The following CHRFAM7A variants were observed in gnomAD, a reference collection of about 807,000 sequenced individuals.
CHRFAM7A encodes the protein CHRNA7 (exons 5-10) and FAM7A (exons A-E) fusion.
A neutral mutation model predicts 29.2 loss-of-function variants in CHRFAM7A; 3 were observed. The ratio of observed to expected loss-of-function variants is 0.10; its 90% CI spans 0.05 to 0.27. The LOEUF (loss-of-function observed/expected upper bound fraction) is 0.27, where lower values mean the gene tolerates loss of function less well. CHRFAM7A is among the 10% of genes least tolerant of loss of function. CHRFAM7A has a pLI of 1.00. For synonymous variants in CHRFAM7A, 7 were observed against 135.4 expected (o/e 0.05, Z 6.58); for missense variants, 22 against 328.0 (o/e 0.07, Z 7.21).
In CHRFAM7A at chr15:30,372,946, C is replaced by A. The variant is rs376460427; in HGVS notation, c.328+32G>T. Reference sequence around the variant, plus strand: ...TAAAGCTTGCCCAGGAATAGGAAAGCTTTCTTCCAGGCGGTTAGTCTCATG... The same window carrying A: ...TAAAGCTTGCCCAGGAATAGGAAAGATTTCTTCCAGGCGGTTAGTCTCATG... On this transcript the variant is annotated intron_variant, in intron 6 of 9. Coordinates refer to ENST00000299847, the MANE Select transcript of CHRFAM7A (RefSeq NM_139320.2). 5.4e-4 allele frequency: 861 copies of A among 1,601,732 alleles called. 30 individuals are homozygous for A. The highest frequency in any genetic ancestry group is 6.9e-4 in the Non-Finnish European group (803 of 1,172,094).
rs2058744394 is a variant in CHRFAM7A at position 30,361,747 on chromosome 15, C to G, written c.*546G>C. 1 of 106,136 alleles carries G rather than the reference C, an allele frequency of 9.4e-6. No individual in the cohort carries two copies. The highest frequency in any genetic ancestry group is 4.0e-5 in the African/African-American group (1 of 25,290). The allele number at this position is 106,136 out of a possible 1,614,324, so 6.6% of individuals were successfully genotyped here. On this transcript the variant is annotated 3_prime_UTR_variant, in exon 10 of 10. Coordinates refer to ENST00000299847, the MANE Select transcript of CHRFAM7A (RefSeq NM_139320.2). The stretch of plus-strand genomic sequence containing the variant: ...GTAGAAACAGCATCAAGCTGTTTCT[C>G]TCTACCGTCTTTGATAGAAATAAAA...
At chr15:30,376,086 AGT>A (rs1185457706) in intron 5 of CHRFAM7A, among the ~76,000 whole-genome samples, 8 of 144,562 alleles carry the variant, frequency 5.5e-5, no homozygotes, top group South Asian at 2.1e-4. Context: ...TGGTGTGAGT[AGT>A]GTGAGTGGTG....
At chr15:30,389,409 A>T in intron 1 of CHRFAM7A, among the ~76,000 whole-genome samples, 2 of 19,210 alleles carry the variant, frequency 1.0e-4, no homozygotes, top group Non-Finnish European at 2.5e-4. Context: ...TTCAACATCT[A>T]TCGCATTTCA....
At chr15:30,373,653 CTAATT>C (rs903516193) in intron 5 of CHRFAM7A, among the ~76,000 whole-genome samples, 6 of 104,356 alleles carry the variant, frequency 5.7e-5, no homozygotes, top group Admixed American at 5.1e-4. Flanking sequence ...AGAATTTTAA[CTAATT>C]TAAATTCTAG....
In CHRFAM7A at chr15:30,373,020, C is replaced by G; in HGVS notation, c.286G>C (p.Asp96His). 6.2e-7 allele frequency: 1 copy of G among 1,601,916 alleles called. No individual in the cohort carries two copies. Among genetic ancestry groups the G allele is most frequent in the Non-Finnish European group, 8.5e-7 (1 of 1,172,116 alleles). Residue 96 changes from aspartate to histidine, a missense_variant, in exon 6 of 10, where the codon GAT becomes CAT. By Grantham distance (81) the Asp-to-His change is moderately conservative. Coordinates refer to ENST00000299847, the MANE Select transcript of CHRFAM7A (RefSeq NM_139320.2). ...CCATTGGGGATATAGCCACTGATAT[C>G]TGCCTCCTGCATCTGCAGATCCAAG... ...WSLDLQMQEA[D>H]ISGYIPNGEW...
upstream of CHRFAM7A, chr15:30,393,796 T>TTCTGCCC (rs2059012762): frequency 1.3e-5 from 1 of 76,856 alleles, no homozygotes; most frequent in Admixed American, 1.7e-4. Flanking sequence ...CCCAGCACCT[T>TTCTGCCC]TCTGCCCGAC....
intron 5 of CHRFAM7A, among the ~76,000 whole-genome samples, chr15:30,373,936 C>T (rs1300346479): frequency 7.2e-6 from 1 of 138,082 alleles, no homozygotes; most frequent in Non-Finnish European, 1.6e-5. Context: ...TGCACTCCAG[C>T]CTGGGGAACA....
At chr15:30,367,137 T>A (rs1032092399) in intron 9 of CHRFAM7A, among the ~76,000 whole-genome samples, 2 of 150,522 alleles carry the variant, frequency 1.3e-5, no homozygotes, top group African/African-American at 2.4e-5. Flanking sequence ...CAAAAAAAAA[T>A]TGGCCAGGTG....
intron 5 of CHRFAM7A, among the ~76,000 whole-genome samples, chr15:30,373,522 A>AGG (rs2058888792): frequency 4.9e-5 from 6 of 123,424 alleles, no homozygotes; most frequent in African/African-American, 1.5e-4. Flanking sequence ...AGAATCTAAA[A>AGG]GGTGTGTGTG....
rs1447308013 is a variant in CHRFAM7A, at chr15:30,370,876, G to C, written c.610+222C>G. 2.2e-4 allele frequency among the ~76,000 whole-genome samples: 33 copies of C among 151,548 alleles called. No individual in the cohort carries two copies. The East Asian group carries it at 6.0e-3, about 28-fold the overall frequency. ...ATGAGGAGGAGAATTATGAGGGGAA[G>C]GGGGGCATTTCTGTGAGATAAAAGT... is the stretch of plus-strand genomic sequence containing the variant. On this transcript the variant is annotated intron_variant, in intron 8 of 9. Coordinates refer to ENST00000299847, the MANE Select transcript of CHRFAM7A (RefSeq NM_139320.2).
Position 30,362,735 on chromosome 15 carries a change from GC to G in CHRFAM7A, c.796del (p.Ala266ProfsTer16). On this transcript the variant is annotated frameshift_variant, in exon 10 of 10. Transcript: ENST00000299847. LOFTEE classifies it high-confidence loss of function. ...KRPGEDKVRPACQHKQRRCSL... is the reference protein window; with the variant it reads ...KRPGEDKVRPXCQHKQRRCSL... ...GCAGCGCCGCTGCTTGTGCTGGCAG[GC>G]CGGGCGCACCTTGTCCTCCCCGGGC... 1.2e-6 allele frequency: 1 copy of G among 810,770 alleles called. No individual in the cohort carries two copies. Among genetic ancestry groups the G allele is most frequent in the African/African-American group, 2.7e-5 (1 of 37,664 alleles). The allele number at this position is 810,770 out of a possible 1,614,324, so 50.2% of individuals were successfully genotyped here.
intron 8 of CHRFAM7A, 125 bp downstream of exon 8, chr15:30,370,973 T>A (rs2058845695): frequency 6.6e-7 from 1 of 1,505,470 alleles, no homozygotes; most frequent in Admixed American, 1.7e-5. Flanking sequence ...CAGCAAATCA[T>A]CACCTTCCAG....
intron 5 of CHRFAM7A, among the ~76,000 whole-genome samples, chr15:30,373,530 G>GTT (rs1204432301): frequency 7.6e-6 from 1 of 132,330 alleles, no homozygotes; most frequent in Non-Finnish European, 1.7e-5. Flanking sequence ...AAAGGTGTGT[G>GTT]TGTGTGTGTG....
chr15:30,377,577 C>CA (rs1433020393), intron 4 of CHRFAM7A, among the ~76,000 whole-genome samples: 6 of 94,040 alleles, frequency 6.4e-5, no homozygotes, highest in South Asian at 4.1e-4. Flanking sequence ...ACATATATAT[C>CA]TTTTTTTTTT....
At chr15:30,371,755 A>G (rs1045268667) in intron 7 of CHRFAM7A, among the ~76,000 whole-genome samples, 3 of 145,098 alleles carry the variant, frequency 2.1e-5, no homozygotes, top group African/African-American at 7.7e-5. Context: ...GATTGTAAGA[A>G]TTACACTGGG....
chr15:30,375,814 G>T (rs2058923255), intron 5 of CHRFAM7A, among the ~76,000 whole-genome samples: 1 of 151,384 alleles, frequency 6.6e-6, no homozygotes, highest in Non-Finnish European at 1.5e-5. Flanking sequence ...GAGTGGTTGT[G>T]TGAGTGGTGT....
intron 5 of CHRFAM7A, among the ~76,000 whole-genome samples, chr15:30,376,217 G>A (rs1331724441): frequency 4.1e-5 from 6 of 146,158 alleles, no homozygotes; most frequent in African/African-American, 1.5e-4. Flanking sequence ...TGAGTGGTGT[G>A]TGTGTGAGTC....
chr15:30,361,676 T>TC lies in CHRFAM7A; in HGVS notation c.*616dup, dbSNP rs1438284120. 1 of 80,866 alleles carries TC rather than the reference T, an allele frequency of 1.2e-5. No individual in the cohort carries two copies. 5.0% of individuals were successfully genotyped at this position (80,866 alleles called of 1,614,324 possible). A position where few individuals can be genotyped will look rare whatever the true frequency, so the allele number is the denominator to read the frequency against. ...GAAGTCAGGCAGGCTGGTAAAAACA[T>TC]CCTTAGTAAGACCAACAGTCTGTCT... is the stretch of plus-strand genomic sequence containing the variant. On this transcript the variant is annotated 3_prime_UTR_variant, in exon 10 of 10. Transcript: ENST00000299847.
chr15:30,373,650 T>C (rs1043344502), intron 5 of CHRFAM7A, among the ~76,000 whole-genome samples: 5 of 105,250 alleles, frequency 4.8e-5, no homozygotes, highest in Admixed American at 3.1e-4. Flanking sequence ...GCTAGAATTT[T>C]AACTAATTTA....
Sources: allele counts gnomAD v4.1 joint callset (sites outside exome capture counted in the v4.1 genomes callset), GRCh38; gene constraint gnomAD v4.1.1; transcripts MANE v1.5; gene names NCBI Gene and HGNC (gene_info 2026-07-23, HGNC 2026-07-21).